FANCB: variants seen among roughly 807,000 people sequenced by gnomAD.
FANCB encodes the protein FA complementation group B.
A neutral mutation model predicts 38.9 loss-of-function variants in FANCB; 5 were observed. The observed-to-expected ratio is 0.13, with a 90% CI of 0.07 to 0.27. The LOEUF is 0.27. Among genes scored for constraint, FANCB ranks in the 10% least tolerant of loss-of-function variants. The pLI is 1.00. For missense variants in FANCB, 573 were observed against 602.7 expected (o/e 0.95, Z 0.52); for synonymous variants, 236 against 215.4 (o/e 1.10, Z -0.84).
At chrX:14,823,100 T>TTTTTTA in the FANCB span, among the ~76,000 whole-genome samples, 1 of 100,495 alleles carries the variant, frequency 1.0e-5, no homozygotes, top group African/African-American at 3.8e-5. Flanking sequence ...TTTTTTTTTT[T>TTTTTTA]GAGACGAGTT....
chrX:14,796,177 G>T, the FANCB span, among the ~76,000 whole-genome samples: 1 of 110,569 alleles, frequency 9.0e-6, no homozygotes, highest in Non-Finnish European at 1.9e-5. Context: ...CATACTTTCT[G>T]TGGGTCAGGA....
At chrX:14,690,280 GAAT>G in the FANCB span, among the ~76,000 whole-genome samples, 1 of 111,801 alleles carries the variant, frequency 8.9e-6, no homozygotes, top group Non-Finnish European at 1.9e-5. Context: ...CTAATTAAGA[GAAT>G]AATTATTTTT....
At chrX:14,826,242 T>C in the FANCB span, among the ~76,000 whole-genome samples, 2 of 112,018 alleles carry the variant, frequency 1.8e-5, no homozygotes, top group Non-Finnish European at 3.8e-5. Flanking sequence ...TAATCTGTCA[T>C]GACAGCACCA....
chrX:14,773,785 T>G, the FANCB span, among the ~76,000 whole-genome samples: 2 of 112,077 alleles, frequency 1.8e-5, no homozygotes, highest in African/African-American at 6.5e-5. Flanking sequence ...ATGTGTCCAC[T>G]TTCTTCTTTC....
chrX:14,701,671 CAGTT>C, the FANCB span, among the ~76,000 whole-genome samples: 1 of 112,446 alleles, frequency 8.9e-6, no homozygotes, highest in African/African-American at 3.2e-5. Context: ...TAAAATGTGG[CAGTT>C]AGCCCACTTA....
chrX:14,737,358 G>A, the FANCB span, among the ~76,000 whole-genome samples: 9 of 112,262 alleles, frequency 8.0e-5, no homozygotes, highest in Non-Finnish European at 1.7e-4. Flanking sequence ...ATATTAATCA[G>A]TATTCTGAGG....
At chrX:14,718,037 T>A in the FANCB span, among the ~76,000 whole-genome samples, 1 of 110,825 alleles carries the variant, frequency 9.0e-6, no homozygotes, top group African/African-American at 3.3e-5. Flanking sequence ...AGTCAAGATG[T>A]TTATTTTTCA....
the FANCB span, among the ~76,000 whole-genome samples, chrX:14,772,167 C>G: frequency 1.8e-5 from 2 of 110,930 alleles, no homozygotes; most frequent in African/African-American, 6.6e-5. Flanking sequence ...CCTTCCTTGT[C>G]CAGACCACCT....
chrX:14,798,158 G>GT, the FANCB span, among the ~76,000 whole-genome samples: 2 of 102,939 alleles, frequency 1.9e-5, no homozygotes, highest in East Asian at 3.0e-4. Flanking sequence ...TTTTGTTTTT[G>GT]TTTTTTTTGA....
At chrX:14,796,497 AT>A in the FANCB span, among the ~76,000 whole-genome samples, 1 of 97,847 alleles carries the variant, frequency 1.0e-5, no homozygotes, top group Non-Finnish European at 2.0e-5. Flanking sequence ...TATATTATAT[AT>A]ATAACATATA....
chrX:14,791,799 G>C, the FANCB span, among the ~76,000 whole-genome samples: 2 of 112,203 alleles, frequency 1.8e-5, no homozygotes, highest in Admixed American at 1.9e-4. Flanking sequence ...TGTTCTCTAT[G>C]TTCATTATAT....
At chrX:14,789,432 T>G in the FANCB span, among the ~76,000 whole-genome samples, 1 of 111,492 alleles carries the variant, frequency 9.0e-6, no homozygotes, top group Non-Finnish European at 1.9e-5. Context: ...CCTGGCAACA[T>G]AGCAAGACCT....
the FANCB span, among the ~76,000 whole-genome samples, chrX:14,718,507 G>A: frequency 2.7e-5 from 3 of 112,043 alleles, no homozygotes; most frequent in African/African-American, 9.7e-5. Flanking sequence ...ATCTTACTAT[G>A]CTCAGGAATT....
At chrX:14,752,479 C>T in the FANCB span, among the ~76,000 whole-genome samples, 1 of 112,135 alleles carries the variant, frequency 8.9e-6, no homozygotes, top group African/African-American at 3.2e-5. Context: ...AAATTAAGGC[C>T]AAGAGACTTG....
At chrX:14,826,504 T>C in the FANCB span, among the ~76,000 whole-genome samples, 3 of 112,661 alleles carry the variant, frequency 2.7e-5, no homozygotes, top group Non-Finnish European at 3.8e-5. Flanking sequence ...CAACCTATTT[T>C]ATTTCACTCT....
chrX:14,738,497 G>A, the FANCB span, among the ~76,000 whole-genome samples: 1 of 111,847 alleles, frequency 8.9e-6, no homozygotes, highest in Non-Finnish European at 1.9e-5. Flanking sequence ...TATTACTATC[G>A]CTAGAAAAAC....
At chrX:14,795,287 A>AAG in the FANCB span, among the ~76,000 whole-genome samples, 1 of 111,914 alleles carries the variant, frequency 8.9e-6, no homozygotes, top group Non-Finnish European at 1.9e-5. Context: ...GCAAACAGTA[A>AAG]CTATATTCCA....
intron 3 of FANCB, among the ~76,000 whole-genome samples, chrX:14,863,170 T>C (rs770998609): frequency 2.7e-4 from 30 of 112,064 alleles, no homozygotes; most frequent in Non-Finnish European, 4.9e-4. Context: ...TAATTCCAAC[T>C]TGACATTCCT....
the FANCB span, chrX:14,730,169 A>G: frequency 6.4e-6 from 7 of 1,091,300 alleles, no homozygotes; most frequent in Admixed American, 1.6e-4. Context: ...AACTTGACTG[A>G]CAACCAATCT....
Sources: allele counts gnomAD v4.1 joint callset (sites outside exome capture counted in the v4.1 genomes callset), GRCh38; gene constraint gnomAD v4.1.1; transcripts MANE v1.5; gene names NCBI Gene and HGNC (gene_info 2026-07-23, HGNC 2026-07-21).